The following TMTC2 variants were observed in gnomAD, a reference collection of about 807,000 sequenced individuals.
The protein encoded by TMTC2 is transmembrane O-mannosyltransferase targeting cadherins 2, also known as protein O-mannosyl-transferase TMTC2.
A neutral mutation model predicts 82.4 loss-of-function variants in TMTC2; 43 were observed. The ratio of observed to expected loss-of-function variants is 0.52; its 90% CI spans 0.41 to 0.67. TMTC2 has a LOEUF of 0.67. Among genes scored for constraint, TMTC2 ranks in the 30% least tolerant of loss-of-function variants. The pLI is 0.00. For synonymous variants in TMTC2, 408 were observed against 381.9 expected, an observed-to-expected ratio of 1.07 and a Z score of -0.80; for missense variants, 919 against 1,012.4, an observed-to-expected ratio of 0.91 and a Z score of 1.25.
chr12:82,859,482 C>A (rs758136250), intron 2 of TMTC2, among the ~76,000 whole-genome samples: 1 of 152,168 alleles, frequency 6.6e-6, no homozygotes, highest in Non-Finnish European at 1.5e-5. Context: ...AATTTACAGT[C>A]CTCTAAGCAT....
intron 1 of TMTC2, among the ~76,000 whole-genome samples, chr12:82,816,192 G>A (rs1400266109): frequency 2.0e-5 from 3 of 149,676 alleles, no homozygotes; most frequent in Non-Finnish European, 4.4e-5. Flanking sequence ...AACAGTGAAG[G>A]TTCCTATTTA....
intron 1 of TMTC2, among the ~76,000 whole-genome samples, chr12:82,846,995 C>G (rs191675032): frequency 5.9e-5 from 9 of 152,182 alleles, no homozygotes; most frequent in Non-Finnish European, 8.8e-5. Context: ...CCTAACAACC[C>G]AGCACCCCAC....
At chr12:82,864,633 C>G (rs989226541) in intron 2 of TMTC2, among the ~76,000 whole-genome samples, 1 of 150,726 alleles carries the variant, frequency 6.6e-6, no homozygotes, top group Non-Finnish European at 1.5e-5. Context: ...TCCCGAGTAG[C>G]TGGGACTACA....
At chr12:82,958,441 T>G (rs901758480) in intron 4 of TMTC2, among the ~76,000 whole-genome samples, 14 of 150,132 alleles carry the variant, frequency 9.3e-5, no homozygotes, top group Admixed American at 3.3e-4. Flanking sequence ...AGTAAAATAC[T>G]AGTAAACTGA....
intron 11 of TMTC2, among the ~76,000 whole-genome samples, chr12:83,103,945 C>T (rs796440297): frequency 2.0e-5 from 3 of 152,182 alleles, no homozygotes; most frequent in African/African-American, 7.2e-5. Flanking sequence ...ATAGGCATTG[C>T]GTAAACATTC....
chr12:83,009,686 CTT>C (rs1880366542), intron 8 of TMTC2, among the ~76,000 whole-genome samples: 1 of 152,164 alleles, frequency 6.6e-6, no homozygotes, highest in African/African-American at 2.4e-5. Context: ...TCTTTGTACT[CTT>C]GAGACACTTT....
At chr12:82,908,330 T>G (rs775597328) in intron 3 of TMTC2, among the ~76,000 whole-genome samples, 1 of 152,198 alleles carries the variant, frequency 6.6e-6, no homozygotes, top group Non-Finnish European at 1.5e-5. Flanking sequence ...AAATGGTTTT[T>G]GATTTTTTCA....
chr12:82,770,844 A>G lies in TMTC2; in HGVS notation c.83+83175A>G, dbSNP rs535397986. Among the ~76,000 whole-genome samples, 5 of 152,262 alleles carry G rather than the reference A, an allele frequency of 3.3e-5. No homozygotes were observed. The South Asian group carries it at 1.0e-3, about 32-fold the overall frequency. On this transcript the variant is annotated intron_variant, in intron 1 of 11. Coordinates refer to ENST00000321196, the MANE Select transcript of TMTC2 (RefSeq NM_152588.3). ...TCCTTGCTTATTATCTATTTGCCCT[A>G]TCAAAACTAAGTTCTCACAGAGCAA...
At chr12:83,045,842 A>G (rs1164515307) in intron 9 of TMTC2, among the ~76,000 whole-genome samples, 1 of 152,040 alleles carries the variant, frequency 6.6e-6, no homozygotes, top group African/African-American at 2.4e-5. Flanking sequence ...CACAAGGGAA[A>G]GCTGGTTCCT....
rs150939629 is a variant in TMTC2 at position 82,772,071 on chromosome 12, A to G, written c.83+84402A>G. On this transcript the variant is annotated intron_variant, in intron 1 of 11. Transcript: ENST00000321196. The stretch of plus-strand genomic sequence containing the variant: ...TGTGTGTATGTTTTTTTCTTGCACC[A>G]TGGCGCTTAACTGTAAATTTCCTGC... 3.5e-3 allele frequency among the ~76,000 whole-genome samples: 526 copies of G among 152,258 alleles called. 2 individuals are homozygous for G. Among genetic ancestry groups the G allele is most frequent in the African/African-American group, 0.012 (509 of 41,546 alleles).
chr12:83,001,085 G>A (rs55815183), intron 8 of TMTC2, among the ~76,000 whole-genome samples: 10,777 of 152,138 alleles, frequency 0.071, 526 homozygotes, highest in African/African-American at 0.13. Context: ...GGCCTGTGAC[G>A]GGAGGGGCTG....
intron 1 of TMTC2, among the ~76,000 whole-genome samples, chr12:82,705,922 G>T (rs1873330240): frequency 6.6e-6 from 1 of 152,128 alleles, no homozygotes; most frequent in Non-Finnish European, 1.5e-5. Flanking sequence ...CATAAGAGGG[G>T]CACCTGACCC....
intron 8 of TMTC2, among the ~76,000 whole-genome samples, chr12:82,999,707 G>C (rs1418845280): frequency 6.6e-6 from 1 of 152,088 alleles, no homozygotes; most frequent in Non-Finnish European, 1.5e-5. Flanking sequence ...CCACCATCAC[G>C]AGAACAGCAT....
intron 3 of TMTC2, among the ~76,000 whole-genome samples, chr12:82,898,378 T>C (rs1873786375): frequency 6.6e-6 from 1 of 152,232 alleles, no homozygotes; most frequent in South Asian, 2.1e-4. Flanking sequence ...GTTTAAAACA[T>C]ATAGGGAATT....
intron 11 of TMTC2, among the ~76,000 whole-genome samples, chr12:83,111,104 T>G (rs1422997318): frequency 1.3e-5 from 2 of 152,246 alleles, no homozygotes; most frequent in African/African-American, 4.8e-5. Flanking sequence ...CACTGACCTA[T>G]AATACTGAAA....
At chr12:82,987,786 T>C (rs1879223513) in intron 8 of TMTC2, among the ~76,000 whole-genome samples, 1 of 152,114 alleles carries the variant, frequency 6.6e-6, no homozygotes, top group African/African-American at 2.4e-5. Flanking sequence ...AATTCTTACC[T>C]GCCTTGAAAG....
chr12:82,992,428 A>C (rs1879441946), intron 8 of TMTC2, among the ~76,000 whole-genome samples: 2 of 152,204 alleles, frequency 1.3e-5, no homozygotes, highest in Admixed American at 1.3e-4. Flanking sequence ...TGTTAATCTG[A>C]TTGAGTAATT....
intron 1 of TMTC2, among the ~76,000 whole-genome samples, chr12:82,692,678 A>C (rs772608926): frequency 2.0e-5 from 3 of 152,226 alleles, no homozygotes; most frequent in Non-Finnish European, 4.4e-5. Flanking sequence ...GGAGCAGAGT[A>C]TTGTATCAGC....
intron 1 of TMTC2, among the ~76,000 whole-genome samples, chr12:82,844,757 G>A (rs973194077): frequency 3.3e-5 from 5 of 150,732 alleles, no homozygotes; most frequent in Admixed American, 6.6e-5. Context: ...AGCCGAGATC[G>A]CATCACTGCA....
Sources: allele counts gnomAD v4.1 joint callset (sites outside exome capture counted in the v4.1 genomes callset), GRCh38; gene constraint gnomAD v4.1.1; transcripts MANE v1.5; gene names NCBI Gene and HGNC (gene_info 2026-07-23, HGNC 2026-07-21).